The following PLD1 variants were observed in gnomAD, a reference collection of about 807,000 sequenced individuals.
PLD1 encodes choline phosphatase 1.
Under a neutral mutation model 137.1 loss-of-function variants are expected in PLD1, and 112 were observed. The ratio of observed to expected loss-of-function variants is 0.82; its 90% confidence interval spans 0.70 to 0.96. The LOEUF (loss-of-function observed/expected upper bound fraction) is 0.96, where lower values mean the gene tolerates loss of function less well. Ranked by LOEUF, PLD1 falls within the 40% of genes least tolerant of loss-of-function variation. The pLI, the probability that PLD1 is intolerant of heterozygous loss-of-function variation, is 0.00. For synonymous variants in PLD1, 431 were observed against 454.7 expected (o/e 0.95, Z 0.66); for missense variants, 1,321 against 1,342.0 (o/e 0.98, Z 0.24).
intron 1 of PLD1, among the ~76,000 whole-genome samples, chr3:171,800,673 T>C: frequency 6.6e-6 from 1 of 152,172 alleles, no homozygotes; most frequent in East Asian, 1.9e-4. Context: ...CAGGCTACTG[T>C]AACAAAATAC....
chr3:171,620,716 CTT>C (rs1434473021), intron 23 of PLD1, among the ~76,000 whole-genome samples, 196 bp from the exon 24 acceptor site: 14 of 94,968 alleles, frequency 1.5e-4, no homozygotes, highest in African/African-American at 5.5e-4. Context: ...GTCTGAATGG[CTT>C]TCTCTCTCTC....
At chr3:171,723,226 T>C (rs6764162) in intron 8 of PLD1, among the ~76,000 whole-genome samples, 54,840 of 151,980 alleles carry the variant, frequency 0.36, 11,008 homozygotes, top group African/African-American at 0.52. Flanking sequence ...TGAGAACATG[T>C]GAAGATTGTC....
intron 1 of PLD1, among the ~76,000 whole-genome samples, chr3:171,746,069 C>T (rs978782752): frequency 1.4e-4 from 21 of 152,184 alleles, no homozygotes; most frequent in Non-Finnish European, 2.1e-4. Context: ...CCAGCACTGC[C>T]GGCCCGCCCC....
chr3:171,699,705 G>T, intron 12 of PLD1, 40 bp downstream of exon 12: 1 of 1,407,288 alleles, frequency 7.1e-7, no homozygotes, highest in Non-Finnish European at 1.0e-6. Flanking sequence ...ACAACAGACA[G>T]TTAAAAAATT....
intron 1 of PLD1, among the ~76,000 whole-genome samples, chr3:171,779,161 C>G (rs552628409): frequency 8.5e-5 from 13 of 152,200 alleles, no homozygotes; most frequent in African/African-American, 1.2e-4. Context: ...GATCGTGCCA[C>G]TGCACTCCAG....
At chr3:171,664,459 A>AT (rs201782822) in intron 19 of PLD1, among the ~76,000 whole-genome samples, 29,921 of 142,418 alleles carry the variant, frequency 0.21, 3,168 homozygotes, top group African/African-American at 0.25. Context: ...AACCTCCAGG[A>AT]TTTTTTTTTT....
intron 1 of PLD1, among the ~76,000 whole-genome samples, chr3:171,743,707 A>G (rs933623337): frequency 2.6e-5 from 4 of 152,186 alleles, no homozygotes; most frequent in African/African-American, 9.7e-5. Flanking sequence ...ATATATTTTC[A>G]TAGGTTCATG....
At chr3:171,750,274 G>C (rs760527659) in intron 1 of PLD1, among the ~76,000 whole-genome samples, 1 of 152,118 alleles carries the variant, frequency 6.6e-6, no homozygotes, top group Non-Finnish European at 1.5e-5. Context: ...CAGCAGAATA[G>C]CAATGACAGA....
chr3:171,677,584 G>GCT lies in PLD1; in HGVS notation c.1977_1978insAG (p.Leu660SerfsTer49). ...TACTCACCAGCAAAAGGTTTATCAA[G>GCT]TTGAACCCAGTCTTTGAAGACGAAA... is the stretch of plus-strand genomic sequence containing the variant. On this transcript the variant is annotated frameshift_variant, in exon 17 of 27. Transcript: ENST00000351298. LOFTEE classifies it high-confidence loss of function. 1 of 1,613,988 alleles carries GCT rather than the reference G, an allele frequency of 6.2e-7. No individual in the cohort carries two copies. Among genetic ancestry groups the GCT allele is most frequent in the Admixed American group, 1.7e-5 (1 of 60,004 alleles).
At chr3:171,629,590 T>A (rs1252903594) in intron 23 of PLD1, among the ~76,000 whole-genome samples, 2 of 152,300 alleles carry the variant, frequency 1.3e-5, no homozygotes, top group Non-Finnish European at 2.9e-5. Flanking sequence ...GCTGGAGGCA[T>A]CATGCTACCT....
At chr3:171,668,643 C>A (rs529641892) in intron 19 of PLD1, among the ~76,000 whole-genome samples, 1 of 151,546 alleles carries the variant, frequency 6.6e-6, no homozygotes, top group South Asian at 2.1e-4. Flanking sequence ...CTTCTTTTCC[C>A]ATAAGTAGGA....
intron 23 of PLD1, among the ~76,000 whole-genome samples, chr3:171,626,122 T>C (rs1734083904): frequency 1.3e-5 from 2 of 152,236 alleles, no homozygotes; most frequent in South Asian, 4.2e-4. Flanking sequence ...CAGACGAATG[T>C]ATAACTGGAA....
At chr3:171,619,157 A>T (rs1359122149) in intron 24 of PLD1, among the ~76,000 whole-genome samples, 3 of 152,316 alleles carry the variant, frequency 2.0e-5, no homozygotes, top group East Asian at 3.9e-4. Context: ...AGGACACATC[A>T]TCTCTCTAAA....
intron 11 of PLD1, among the ~76,000 whole-genome samples, chr3:171,703,216 T>TA (rs917359269): frequency 1.3e-5 from 2 of 152,116 alleles, no homozygotes; most frequent in African/African-American, 2.4e-5. Flanking sequence ...AGGGTACCTA[T>TA]AAAAAAATCT....
At chr3:171,649,471 T>A (rs1473365933) in intron 21 of PLD1, among the ~76,000 whole-genome samples, 2 of 152,196 alleles carry the variant, frequency 1.3e-5, no homozygotes, top group African/African-American at 2.4e-5. Flanking sequence ...CCAATCTGCC[T>A]CCTTGATCCA....
Position 171,602,830 on chromosome 3 carries a change from C to G in PLD1, c.*248G>C. On this transcript the variant is annotated 3_prime_UTR_variant, in exon 27 of 27. Transcript: ENST00000351298. ...GAATTTGAATATGTGTTTTACTCAA[C>G]AGAGTACATGCTACCAACAAGAATG... The G allele has an allele frequency of 2.0e-6, 1 of 508,724 alleles. No homozygotes were observed. The highest frequency in any genetic ancestry group is 2.8e-5 in the South Asian group (1 of 35,692). The allele number at this position is 508,724 out of a possible 1,614,324, so 31.5% of individuals were successfully genotyped here.
chr3:171,769,155 G>A (rs1220249481), intron 1 of PLD1, among the ~76,000 whole-genome samples: 1 of 152,120 alleles, frequency 6.6e-6, no homozygotes, highest in Non-Finnish European at 1.5e-5. Context: ...TTTTTAGGGA[G>A]TTTCCCTCTT....
At chr3:171,618,117 GA>G (rs1453258989) in intron 24 of PLD1, among the ~76,000 whole-genome samples, 1 of 151,908 alleles carries the variant, frequency 6.6e-6, no homozygotes, top group Non-Finnish European at 1.5e-5. Flanking sequence ...CTTGGGGAAG[GA>G]AAAAAGGAAT....
intron 11 of PLD1, among the ~76,000 whole-genome samples, chr3:171,702,322 C>A (rs764040280): frequency 6.6e-6 from 1 of 151,708 alleles, no homozygotes. Flanking sequence ...CCTGTCTCTA[C>A]GAAAAAATTT....
Sources: gnomAD v4.1 joint callset for allele counts (sites outside exome capture counted in the v4.1 genomes callset) on GRCh38, gnomAD v4.1.1 for gene constraint, MANE v1.5 for transcripts, NCBI Gene and HGNC (gene_info 2026-07-23, HGNC 2026-07-21) for gene names.